The following EPHA3 variants were observed in gnomAD, a reference collection of about 807,000 sequenced individuals.
EPHA3 encodes the protein ephrin type-A receptor 3.
Under a neutral mutation model 107.1 loss-of-function variants are expected in EPHA3, and 42 were observed. The ratio of observed to expected loss-of-function variants is 0.39; its 90% CI spans 0.31 to 0.51. EPHA3 has a LOEUF of 0.51. Among genes scored for constraint, EPHA3 ranks in the 20% least tolerant of loss-of-function variants. The pLI is 0.78. For synonymous variants in EPHA3, 461 were observed against 424.8 expected (o/e 1.09, Z -1.05); for missense variants, 1,183 against 1,211.2 (o/e 0.98, Z 0.35).
At chr3:89,321,485 C>G (rs1234369395) in intron 3 of EPHA3, among the ~76,000 whole-genome samples, 2 of 152,058 alleles carry the variant, frequency 1.3e-5, no homozygotes. Context: ...TCTGAAATAC[C>G]TTGGGTACAG....
chr3:89,467,614 C>G (rs60732375), intron 15 of EPHA3, among the ~76,000 whole-genome samples: 5,143 of 152,188 alleles, frequency 0.034, 288 homozygotes, highest in African/African-American at 0.12. Context: ...GCTTTTTCCC[C>G]AGTATCTGGT....
intron 3 of EPHA3, among the ~76,000 whole-genome samples, chr3:89,263,461 A>G (rs1705468858): frequency 6.6e-6 from 1 of 152,098 alleles, no homozygotes; most frequent in South Asian, 2.1e-4. Context: ...TGCACGAACG[A>G]ATTGAAGGAT....
In EPHA3 at chr3:89,395,723, G is replaced by C. The variant is rs912980257; in HGVS notation, c.1307-114G>C. 151 of 1,299,618 alleles carry C rather than the reference G, an allele frequency of 1.2e-4. 1 individual carries two copies. Among genetic ancestry groups the C allele is most frequent in the Non-Finnish European group, 1.6e-4 (148 of 943,374 alleles). The allele number at this position is 1,299,618 out of a possible 1,614,324, so 80.5% of individuals were successfully genotyped here. A position where few individuals can be genotyped will look rare whatever the true frequency, so the allele number is the denominator to read the frequency against. ...ATAGTGCTTTCTTGCCAAAAAACTG[G>C]AACAATGATAGACTCCATTTGCATG... On this transcript the variant is annotated intron_variant, in intron 5 of 16. Transcript: ENST00000336596.
chr3:89,249,899 C>T (rs931454954), intron 3 of EPHA3, among the ~76,000 whole-genome samples: 3 of 152,122 alleles, frequency 2.0e-5, no homozygotes, highest in South Asian at 2.1e-4. Context: ...CAAGATTCAC[C>T]CAACATTCAC....
chr3:89,460,507 C>T (rs1168474385), intron 15 of EPHA3, among the ~76,000 whole-genome samples: 9 of 151,266 alleles, frequency 5.9e-5, no homozygotes, highest in Non-Finnish European at 1.0e-4. Flanking sequence ...TATTAACTTG[C>T]AGCATAGAAA....
intron 3 of EPHA3, among the ~76,000 whole-genome samples, chr3:89,291,914 G>T (rs546510229): frequency 4.1e-4 from 63 of 152,232 alleles, no homozygotes; most frequent in African/African-American, 1.5e-3. Context: ...ATGTATGGTA[G>T]CATCAATGTC....
At chr3:89,305,590 T>A (rs963382186) in intron 3 of EPHA3, among the ~76,000 whole-genome samples, 2 of 152,146 alleles carry the variant, frequency 1.3e-5, no homozygotes, top group African/African-American at 4.8e-5. Context: ...CTCCTTTACC[T>A]CTAAAATTCA....
intron 3 of EPHA3, among the ~76,000 whole-genome samples, chr3:89,269,755 TC>T (rs375339267): frequency 0.28 from 21,280 of 76,996 alleles, 2,533 homozygotes; most frequent in Non-Finnish European, 0.34. Context: ...CCCTCCCCCC[TC>T]CCCCCACCCC....
chr3:89,228,199 T>A (rs1458458586), intron 3 of EPHA3, among the ~76,000 whole-genome samples: 1 of 151,978 alleles, frequency 6.6e-6, no homozygotes, highest in African/African-American at 2.4e-5. Flanking sequence ...TGCTGAAAAC[T>A]GTTTCATCCA....
chr3:89,150,241 A>G (rs980983412), intron 2 of EPHA3, among the ~76,000 whole-genome samples: 1 of 152,030 alleles, frequency 6.6e-6, no homozygotes, highest in Non-Finnish European at 1.5e-5. Flanking sequence ...GTAGCCAACA[A>G]TTTCAGATTT....
chr3:89,247,826 T>C (rs1050995292), intron 3 of EPHA3, among the ~76,000 whole-genome samples: 3 of 152,052 alleles, frequency 2.0e-5, no homozygotes, highest in African/African-American at 7.2e-5. Context: ...ATTGATAACA[T>C]AGACACTGCT....
chr3:89,374,124 A>T (rs574721859), intron 5 of EPHA3, among the ~76,000 whole-genome samples: 1 of 151,946 alleles, frequency 6.6e-6, no homozygotes, highest in Non-Finnish European at 1.5e-5. Flanking sequence ...GTTCAGTAAG[A>T]TATTTTCTTG....
intron 2 of EPHA3, among the ~76,000 whole-genome samples, chr3:89,174,155 AG>A (rs1705270362): frequency 6.6e-6 from 1 of 152,052 alleles, no homozygotes; most frequent in African/African-American, 2.4e-5. Flanking sequence ...TGTGAATCTT[AG>A]GGACTCAGAA....
chr3:89,429,376 G>T (rs573094369), intron 12 of EPHA3, among the ~76,000 whole-genome samples: 18 of 152,096 alleles, frequency 1.2e-4, no homozygotes, highest in African/African-American at 3.4e-4. Flanking sequence ...AAACAAATTT[G>T]TGAGTTCTTC....
chr3:89,124,073 A>G (rs1704032552), intron 1 of EPHA3, among the ~76,000 whole-genome samples: 1 of 152,204 alleles, frequency 6.6e-6, no homozygotes, highest in African/African-American at 2.4e-5. Flanking sequence ...CAATTGAAAT[A>G]AACTATCCAA....
chr3:89,242,073 A>G (rs1309412309), intron 3 of EPHA3, among the ~76,000 whole-genome samples: 2 of 152,230 alleles, frequency 1.3e-5, no homozygotes, highest in African/African-American at 2.4e-5. Context: ...GGTGCTTTCT[A>G]ATCAATGAGG....
chr3:89,318,154 G>A (rs564288618), intron 3 of EPHA3, among the ~76,000 whole-genome samples: 59 of 151,848 alleles, frequency 3.9e-4, no homozygotes, highest in Middle Eastern at 3.4e-3. Flanking sequence ...TTTTATTATT[G>A]ATTTTTGTAA....
chr3:89,199,900 A>G (rs1705930981), intron 2 of EPHA3, among the ~76,000 whole-genome samples: 1 of 152,226 alleles, frequency 6.6e-6, no homozygotes. Context: ...GGCACATTGC[A>G]TGCCATTTAA....
rs563600654 is a variant in EPHA3 at position 89,382,185 on chromosome 3, AACAGAT to A, written c.1307-13651_1307-13646del. ...ATTGTAACTCAGGTATGGTGCGGCC[AACAGAT>A]CAGGAGAAGGTTGCCACTAAAAAAT... On this transcript the variant is annotated intron_variant, in intron 5 of 16. Transcript: ENST00000336596. 4.1e-4 allele frequency among the ~76,000 whole-genome samples: 62 copies of A among 152,214 alleles called. 1 individual carries two copies. In the East Asian group the frequency reaches 0.011, roughly 28 times the overall value.
Sources: gnomAD v4.1 joint callset for allele counts (sites outside exome capture counted in the v4.1 genomes callset) on GRCh38, gnomAD v4.1.1 for gene constraint, MANE v1.5 for transcripts, NCBI Gene and HGNC (gene_info 2026-07-23, HGNC 2026-07-21) for gene names.